MMP26: variants seen among roughly 807,000 people sequenced by gnomAD.
MMP26 encodes the protein matrix metalloproteinase-26.
MMP26 carries 33 observed loss-of-function variants against 31.0 expected under a neutral mutation model. The observed-to-expected ratio is 1.06, with a 90% CI of 0.81 to 1.42. The LOEUF (loss-of-function observed/expected upper bound fraction) is 1.42. Ranked by LOEUF, MMP26 falls within the 40% of genes most tolerant of loss-of-function variation. The probability of loss-of-function intolerance (pLI) is 0.00; values close to 1 mark genes in which losing one functional copy is unlikely to be tolerated. For synonymous variants in MMP26, 122 were observed against 114.9 expected (o/e 1.06, Z -0.40); for missense variants, 347 against 316.1 (o/e 1.10, Z -0.74).
chr11:4,829,705 A>T (rs1233439649), intron 2 of MMP26, among the ~76,000 whole-genome samples: 1 of 152,090 alleles, frequency 6.6e-6, no homozygotes, highest in African/African-American at 2.4e-5. Flanking sequence ...TAAATTAGAG[A>T]CCTTGTTACT....
intron 2 of MMP26, chr11:4,882,628 T>C: frequency 1.9e-6 from 3 of 1,613,962 alleles, no homozygotes; most frequent in Non-Finnish European, 2.5e-6. Context: ...TCAGCACTTG[T>C]GTCTGTCACA....
rs868597808 is a variant in MMP26 at position 4,881,685 on chromosome 11, A to C, written c.-144-106383A>C. On this transcript the variant is annotated intron_variant, in intron 2 of 7. Transcript: ENST00000380390. ...GTAAAAAATAATAGACTTTGGAGTT[A>C]GTAAATTTGGTTTTGAATTTGAATC... 82 of 546,588 alleles carry C rather than the reference A, an allele frequency of 1.5e-4. No homozygotes were observed. The Middle Eastern group carries it at 2.9e-3, about 19-fold the overall frequency. The allele number at this position is 546,588 out of a possible 1,614,324, so 33.9% of individuals were successfully genotyped here.
chr11:4,860,348 C>A (rs895183413), intron 2 of MMP26: 1 of 471,198 alleles, frequency 2.1e-6, no homozygotes, highest in South Asian at 1.5e-5. Context: ...GAGAGACTAA[C>A]GTCAGTGAGA....
rs866629454 is a variant in MMP26, at chr11:4,848,893, G to A, written c.-145+81552G>A. 3 of 1,614,126 alleles carry A rather than the reference G, an allele frequency of 1.9e-6. No homozygotes were observed. The African/African-American group carries it at 4.0e-5, about 22-fold the overall frequency. ...ACATGGATAAAAACCATCTGTAGAA[G>A]GCAGGCTGAGGCAGGGACAGTGTGA... On this transcript the variant is annotated intron_variant, in intron 2 of 7. Coordinates refer to ENST00000380390, the MANE Select transcript of MMP26 (RefSeq NM_021801.5).
chr11:4,974,369 CAA>C (rs11363104), intron 2 of MMP26, among the ~76,000 whole-genome samples: 2 of 150,120 alleles, frequency 1.3e-5, no homozygotes, highest in African/African-American at 4.9e-5. Flanking sequence ...ACATAAAATT[CAA>C]AAAAAAATAT....
intron 4 of MMP26, among the ~76,000 whole-genome samples, chr11:4,990,300 G>T (rs965209673): frequency 1.1e-4 from 16 of 151,856 alleles, no homozygotes; most frequent in African/African-American, 3.9e-4. Context: ...ATTTAATTTT[G>T]TTCACATTGT....
At chr11:4,860,532 G>A (rs1478668119) in intron 2 of MMP26, 1 of 469,624 alleles carries the variant, frequency 2.1e-6, no homozygotes, top group African/African-American at 2.0e-5. Context: ...TGAAGTTACG[G>A]TGGTTGGCCT....
chr11:4,803,293 G>T, intron 2 of MMP26: 1 of 568,236 alleles, frequency 1.8e-6, no homozygotes. Context: ...TGTTTCTCTT[G>T]CCTCTAGAGG....
intron 2 of MMP26, among the ~76,000 whole-genome samples, chr11:4,794,498 T>G (rs1043766392): frequency 6.6e-6 from 1 of 152,152 alleles, no homozygotes; most frequent in Non-Finnish European, 1.5e-5. Context: ...ATTTCTTTTC[T>G]TGGTCTTTAT....
intron 2 of MMP26, among the ~76,000 whole-genome samples, chr11:4,900,555 G>A (rs1850785242): frequency 6.6e-6 from 1 of 152,148 alleles, no homozygotes; most frequent in Admixed American, 6.5e-5. Flanking sequence ...TCAATTAGGA[G>A]CCAATTATGC....
At chr11:4,842,550 A>T (rs1405178857) in intron 2 of MMP26, among the ~76,000 whole-genome samples, 5 of 152,198 alleles carry the variant, frequency 3.3e-5, no homozygotes, top group Non-Finnish European at 5.9e-5. Flanking sequence ...TCATCAGATA[A>T]CATGAGAAGT....
chr11:4,780,253 T>C (rs2117210), intron 2 of MMP26, among the ~76,000 whole-genome samples: 1 of 152,162 alleles, frequency 6.6e-6, no homozygotes, highest in Non-Finnish European at 1.5e-5. Context: ...AGTTTTAACA[T>C]ACATGACCAA....
chr11:4,967,760 T>C (rs1005895753), intron 2 of MMP26, among the ~76,000 whole-genome samples: 2 of 152,200 alleles, frequency 1.3e-5, no homozygotes, highest in Non-Finnish European at 2.9e-5. Flanking sequence ...CAGATTCTTT[T>C]TGAACTTATC....
At chr11:4,823,948 C>A (rs571228348) in intron 2 of MMP26, among the ~76,000 whole-genome samples, 3 of 152,160 alleles carry the variant, frequency 2.0e-5, no homozygotes, top group African/African-American at 7.2e-5. Flanking sequence ...TTTGAGTGAA[C>A]AAACTCTTTA....
At chr11:4,753,679 C>T (rs961512017) in intron 1 of MMP26, among the ~76,000 whole-genome samples, 4 of 152,016 alleles carry the variant, frequency 2.6e-5, no homozygotes, top group Non-Finnish European at 4.4e-5. Context: ...AACTTAGATA[C>T]CAAATTTCAT....
chr11:4,936,857 T>A (rs1404567149), intron 2 of MMP26, among the ~76,000 whole-genome samples: 1 of 152,168 alleles, frequency 6.6e-6, no homozygotes, highest in African/African-American at 2.4e-5. Context: ...GCTTTTGCAG[T>A]TTGAATTTAC....
At chr11:4,967,158 A>G (rs1366886732) in intron 2 of MMP26, among the ~76,000 whole-genome samples, 4 of 152,188 alleles carry the variant, frequency 2.6e-5, no homozygotes, top group Admixed American at 6.5e-5. Context: ...TAGAAGAAAA[A>G]TTGGAAATAT....
At chr11:4,901,976 G>T (rs895836797) in intron 2 of MMP26, among the ~76,000 whole-genome samples, 1 of 152,132 alleles carries the variant, frequency 6.6e-6, no homozygotes, top group Admixed American at 6.5e-5. Flanking sequence ...TCGAATCCAG[G>T]TTAATCTTAA....
At chr11:4,767,960 A>G (rs1046198494) in intron 2 of MMP26, among the ~76,000 whole-genome samples, 11 of 152,200 alleles carry the variant, frequency 7.2e-5, no homozygotes, top group Admixed American at 1.3e-4. Flanking sequence ...GTTTTCAGAA[A>G]CCAAACATTT....
Sources: allele counts gnomAD v4.1 joint callset (sites outside exome capture counted in the v4.1 genomes callset), GRCh38; gene constraint gnomAD v4.1.1; transcripts MANE v1.5; gene names NCBI Gene and HGNC (gene_info 2026-07-23, HGNC 2026-07-21).